The following LMTK2 variants were observed in gnomAD, a reference collection of about 807,000 sequenced individuals.
LMTK2 encodes the protein lemur tail kinase 2, also known as serine/threonine-protein kinase LMTK2.
In LMTK2, 37 loss-of-function variants were observed where a neutral mutation model predicts 127.5. The ratio of observed to expected loss-of-function variants is 0.29; its 90% CI spans 0.22 to 0.38. The LOEUF (loss-of-function observed/expected upper bound fraction) is 0.38, where lower values mean the gene tolerates loss of function less well. Among genes scored for constraint, LMTK2 ranks in the 10% least tolerant of loss-of-function variants. LMTK2 has a pLI of 1.00. For missense variants in LMTK2, 1,694 were observed against 1,920.3 expected (o/e 0.88, Z 2.20); for synonymous variants, 819 against 810.1 (o/e 1.01, Z -0.19).
chr7:98,121,102 G>A (rs1421364578), intron 1 of LMTK2, among the ~76,000 whole-genome samples: 1 of 152,114 alleles, frequency 6.6e-6, no homozygotes, highest in Non-Finnish European at 1.5e-5. Context: ...TTAGGGGCAG[G>A]TCCGATTCAA....
At position 98,156,465 on chromosome 7, in the gene LMTK2, C is replaced by CAAA. The variant is rs778244876; in HGVS notation, c.569+1599_569+1601dup. 7.7e-5 allele frequency among the ~76,000 whole-genome samples: 10 copies of CAAA among 129,602 alleles called. 1 individual carries two copies. The highest frequency in any genetic ancestry group is 8.3e-5 in the Non-Finnish European group (5 of 60,102). 85.0% of individuals were successfully genotyped at this position (129,602 alleles called of 152,430 possible). On this transcript the variant is annotated intron_variant, in intron 5 of 13. Transcript: ENST00000297293. ...GGGCGACAGAACAAGACTCCGTCTC[C>CAAA]AAAAAAAAAAAAGCTGTAATGAAAA...
In LMTK2 at chr7:98,193,063, G is replaced by C; in HGVS notation, c.2598G>C (p.Pro866=). The part of the protein sequence containing the change: ...QDISPDAVTV[P]VEILSTDART... ...TCAGTCCAGACGCTGTGACTGTCCC[G>C]GTTGAAATTCTCTCAACTGATGCCA... is the stretch of plus-strand genomic sequence containing the variant. The change falls in exon 11 of 14, where the codon CCG becomes CCC. Residue 866 remains proline, a synonymous_variant. Transcript: ENST00000297293. This position sits in a 1 kb window ranked among gnomAD's most constrained non-coding sequence, Gnocchi z 4.1. 6.2e-7 allele frequency: 1 copy of C among 1,613,838 alleles called. No individual in the cohort carries two copies. The highest frequency in any genetic ancestry group is 8.5e-7 in the Non-Finnish European group (1 of 1,180,006).
In LMTK2 at chr7:98,163,497, T is replaced by G. The variant is rs1420179193; in HGVS notation, c.657+4072T>G. 2.0e-5 allele frequency among the ~76,000 whole-genome samples: 3 copies of G among 152,282 alleles called. No individual in the cohort carries two copies. The East Asian group carries it at 5.8e-4, about 29-fold the overall frequency. ...GCAGTGGGAGGTCACATTGTTTCCT[T>G]GGGCAATTTCGTACATATCACTTCT... On this transcript the variant is annotated intron_variant, in intron 6 of 13. Coordinates refer to ENST00000297293, the MANE Select transcript of LMTK2 (RefSeq NM_014916.4).
chr7:98,130,087 C>T (rs181094922), intron 1 of LMTK2, among the ~76,000 whole-genome samples: 9 of 151,996 alleles, frequency 5.9e-5, no homozygotes, highest in Admixed American at 5.2e-4. Flanking sequence ...GTCATGTTAG[C>T]GTCTCTGGGT....
intron 1 of LMTK2, among the ~76,000 whole-genome samples, chr7:98,126,185 C>T (rs1417472684): frequency 6.6e-6 from 1 of 152,106 alleles, no homozygotes; most frequent in Non-Finnish European, 1.5e-5. Flanking sequence ...GGCCACTTCT[C>T]CCATCTTTCA....
At chr7:98,132,066 G>T (rs760907526) in intron 1 of LMTK2, among the ~76,000 whole-genome samples, 9 of 152,200 alleles carry the variant, frequency 5.9e-5, no homozygotes, top group Non-Finnish European at 1.2e-4. Flanking sequence ...GGGACCCTGT[G>T]GGAGGGCTTG....
intron 6 of LMTK2, among the ~76,000 whole-genome samples, chr7:98,160,539 C>T (rs971658327): frequency 3.9e-5 from 6 of 152,006 alleles, no homozygotes; most frequent in African/African-American, 9.7e-5. Flanking sequence ...AGTGTTTTTT[C>T]GTGCCTGTAG....
At chr7:98,149,524 G>A (rs1796821830) in intron 3 of LMTK2, among the ~76,000 whole-genome samples, 1 of 152,164 alleles carries the variant, frequency 6.6e-6, no homozygotes, top group Non-Finnish European at 1.5e-5. Context: ...CAGTTAATTC[G>A]ATAGAGGTGC....
At chr7:98,188,455 GTTATTA>G (rs923554434) in intron 9 of LMTK2, among the ~76,000 whole-genome samples, 6 of 152,158 alleles carry the variant, frequency 3.9e-5, no homozygotes, top group African/African-American at 7.2e-5. Flanking sequence ...TTTAAAAAAA[GTTATTA>G]TTATATATAT....
At chr7:98,172,279 G>T (rs186643661) in intron 7 of LMTK2, among the ~76,000 whole-genome samples, 3 of 151,482 alleles carry the variant, frequency 2.0e-5, no homozygotes, top group Non-Finnish European at 4.4e-5. Flanking sequence ...AGCTTTTCAG[G>T]CCCCACTTGA....
At chr7:98,120,791 T>C (rs546089286) in intron 1 of LMTK2, among the ~76,000 whole-genome samples, 16 of 152,218 alleles carry the variant, frequency 1.1e-4, no homozygotes, top group African/African-American at 2.9e-4. Flanking sequence ...CAGACTGTTA[T>C]TAAAATGCAA....
intron 8 of LMTK2, among the ~76,000 whole-genome samples, chr7:98,185,801 A>C (rs1476558706): frequency 1.3e-5 from 2 of 151,376 alleles, no homozygotes; most frequent in Non-Finnish European, 2.9e-5. Flanking sequence ...GGTTCAAGCA[A>C]CTTGCCTGCC....
chr7:98,150,307 CAA>C (rs35422809), intron 3 of LMTK2, among the ~76,000 whole-genome samples: 39 of 116,920 alleles, frequency 3.3e-4, no homozygotes, highest in Admixed American at 4.1e-4. Context: ...GACCCTGTCT[CAA>C]AAAAAAAAAA....
rs912102679 is a variant in LMTK2, at chr7:98,143,103, A to G, written c.376+1562A>G. Among the ~76,000 whole-genome samples, 10 of 152,340 alleles carry G rather than the reference A, an allele frequency of 6.6e-5. No individual in the cohort carries two copies. In the East Asian group the frequency reaches 1.7e-3, roughly 26 times the overall value. On this transcript the variant is annotated intron_variant, in intron 3 of 13. Transcript: ENST00000297293. Reference sequence around the variant, plus strand: ...TGGGGATGGATGGGAGCACAGTCAGATGCAGGCAGAAGAGAAATTATGGTG... The same window carrying G: ...TGGGGATGGATGGGAGCACAGTCAGGTGCAGGCAGAAGAGAAATTATGGTG...
chr7:98,208,536 G>A lies in LMTK2; in HGVS notation c.*3044G>A, dbSNP rs1797843021. On this transcript the variant is annotated 3_prime_UTR_variant, in exon 14 of 14. Coordinates refer to ENST00000297293, the MANE Select transcript of LMTK2 (RefSeq NM_014916.4). ...GTTAGAATATTTTCTGGCCTTCTAT[G>A]GGGTAGCAACCCAGAATCAATCTGA... 1 of 152,212 alleles carries A rather than the reference G, an allele frequency of 6.6e-6. No individual in the cohort carries two copies. Among genetic ancestry groups the A allele is most frequent in the African/African-American group, 2.4e-5 (1 of 41,452 alleles). 9.4% of individuals were successfully genotyped at this position (152,212 alleles called of 1,614,324 possible).
chr7:98,154,602 A>G (rs1294488472), intron 4 of LMTK2, among the ~76,000 whole-genome samples, 156 bp from the exon 5 acceptor site: 2 of 152,186 alleles, frequency 1.3e-5, no homozygotes, highest in Non-Finnish European at 2.9e-5. Flanking sequence ...AAAATATTTG[A>G]GTTTTCCAAG....
intron 3 of LMTK2, among the ~76,000 whole-genome samples, chr7:98,148,523 TAAATAA>T (rs1162249866): frequency 7.3e-5 from 11 of 150,354 alleles, no homozygotes; most frequent in African/African-American, 2.7e-4. Flanking sequence ...ATAATAATAA[TAAATAA>T]AAATAAAAAA....
chr7:98,176,798 G>C (rs1228416879), intron 7 of LMTK2, among the ~76,000 whole-genome samples: 1 of 152,212 alleles, frequency 6.6e-6, no homozygotes, highest in Non-Finnish European at 1.5e-5. Context: ...AGTGAGCTGA[G>C]ATCGCACCAC....
chr7:98,195,174 C>T lies in LMTK2; in HGVS notation c.4107+602C>T, dbSNP rs190289700. ...TTGGGATTACAGGCATGAGCCACTG[C>T]GCTTGGCCTCCAATTTTTAGAGCCT... On this transcript the variant is annotated intron_variant, in intron 11 of 13. Transcript: ENST00000297293. Among the ~76,000 whole-genome samples, 108 of 152,356 alleles carry T rather than the reference C, an allele frequency of 7.1e-4. 1 individual carries two copies. Among genetic ancestry groups the T allele is most frequent in the African/African-American group, 2.5e-3 (102 of 41,584 alleles).
Sources: gnomAD v4.1 joint callset for allele counts (sites outside exome capture counted in the v4.1 genomes callset) on GRCh38, gnomAD v4.1.1 for gene constraint, Gnocchi (gnomAD v3.1) non-coding constraint, MANE v1.5 for transcripts, NCBI Gene and HGNC (gene_info 2026-07-23, HGNC 2026-07-21) for gene names.